PARD3: variants seen among roughly 807,000 people sequenced by gnomAD.
PARD3 encodes partitioning defective 3 homolog.
A neutral mutation model predicts 155.4 loss-of-function variants in PARD3; 75 were observed. The observed-to-expected ratio is 0.48, with a 90% CI of 0.40 to 0.58. The LOEUF (loss-of-function observed/expected upper bound fraction) is 0.58, where lower values mean the gene tolerates loss of function less well. Among genes scored for constraint, PARD3 ranks in the 20% least tolerant of loss-of-function variants. The probability of loss-of-function intolerance (pLI) is 0.00; values close to 1 mark genes in which losing one functional copy is unlikely to be tolerated. For missense variants in PARD3, 1,642 were observed against 1,721.7 expected (o/e 0.95, Z 0.82); for synonymous variants, 576 against 610.5 (o/e 0.94, Z 0.83).
chr10:34,707,252 A>G (rs1352629096), intron 1 of PARD3, among the ~76,000 whole-genome samples: 1 of 151,720 alleles, frequency 6.6e-6, no homozygotes, highest in Non-Finnish European at 1.5e-5. Flanking sequence ...CTCAAAAAAA[A>G]AAAAAGAAAA....
intron 1 of PARD3, among the ~76,000 whole-genome samples, chr10:34,808,551 TGCTGTGTGG>T (rs984954608): frequency 2.0e-5 from 3 of 152,154 alleles, no homozygotes; most frequent in Non-Finnish European, 4.4e-5. Flanking sequence ...GATGAAAGCA[TGCTGTGTGG>T]GCTTAGCATG....
chr10:34,460,604 C>A (rs1379428070), intron 4 of PARD3, among the ~76,000 whole-genome samples: 3 of 151,974 alleles, frequency 2.0e-5, no homozygotes, highest in African/African-American at 7.3e-5. Context: ...GAGGCCGAGG[C>A]GGGTGGATAA....
At chr10:34,618,296 G>A (rs916977297) in intron 2 of PARD3, among the ~76,000 whole-genome samples, 2 of 152,174 alleles carry the variant, frequency 1.3e-5, no homozygotes, top group South Asian at 4.1e-4. Context: ...CAGAAGATGT[G>A]CAAGTCTCCA....
In PARD3 at chr10:34,637,879, T is replaced by C. The variant is rs2092538954; in HGVS notation, c.222+58439A>G. 2.0e-5 allele frequency among the ~76,000 whole-genome samples: 3 copies of C among 152,262 alleles called. No individual in the cohort carries two copies. In the South Asian group the frequency reaches 6.2e-4, roughly 32 times the overall value. On this transcript the variant is annotated intron_variant, in intron 2 of 24. Transcript: ENST00000374788. ...AATAATTAAGTTTGCAGGCGTGAAA[T>C]ATATTCAAAAGCCAGGTATACAAGC...
intron 3 of PARD3, among the ~76,000 whole-genome samples, chr10:34,511,050 A>G (rs894279574): frequency 6.6e-6 from 1 of 152,202 alleles, no homozygotes; most frequent in Non-Finnish European, 1.5e-5. Context: ...AAAGTTTCTA[A>G]TAACTTATAA....
chr10:34,397,988 A>T, intron 7 of PARD3, among the ~76,000 whole-genome samples: 1 of 152,214 alleles, frequency 6.6e-6, no homozygotes, highest in Non-Finnish European at 1.5e-5. Context: ...ATATTGTTTA[A>T]CTATAAGTTA....
chr10:34,289,250 C>T (rs528668629), intron 20 of PARD3, among the ~76,000 whole-genome samples: 3 of 152,028 alleles, frequency 2.0e-5, no homozygotes, highest in African/African-American at 2.4e-5. Context: ...AGTGCAGTGG[C>T]GCAATCTCAG....
intron 21 of PARD3, among the ~76,000 whole-genome samples, chr10:34,270,786 G>A (rs1468335092): frequency 1.3e-5 from 2 of 152,050 alleles, no homozygotes; most frequent in Non-Finnish European, 2.9e-5. Flanking sequence ...TTAAATTAAG[G>A]ACTAGAAGGC....
intron 12 of PARD3, among the ~76,000 whole-genome samples, chr10:34,366,835 T>C (rs1332648947): frequency 6.6e-6 from 1 of 152,170 alleles, no homozygotes; most frequent in East Asian, 1.9e-4. Flanking sequence ...CAAAATTTCC[T>C]TAAGTTCCCC....
intron 3 of PARD3, among the ~76,000 whole-genome samples, chr10:34,478,980 A>G (rs1266216423): frequency 1.3e-5 from 2 of 152,180 alleles, no homozygotes; most frequent in Non-Finnish European, 1.5e-5. Context: ...ACCTGAGTAC[A>G]AGAAAAAATC....
chr10:34,583,566 T>A (rs2087702834), intron 2 of PARD3, among the ~76,000 whole-genome samples: 1 of 152,184 alleles, frequency 6.6e-6, no homozygotes, highest in African/African-American at 2.4e-5. Context: ...TAATGTTCCA[T>A]CAATCAGTCC....
intron 21 of PARD3, 143 bp downstream of exon 21, chr10:34,283,992 C>T: frequency 1.7e-6 from 1 of 596,734 alleles, no homozygotes; most frequent in Non-Finnish European, 2.9e-6. Context: ...ATATATTCAC[C>T]CACAACCATC....
chr10:34,121,255 T>C (rs1359095559), intron 23 of PARD3, among the ~76,000 whole-genome samples: 1 of 152,200 alleles, frequency 6.6e-6, no homozygotes, highest in East Asian at 1.9e-4. Context: ...ATCTGGCCTT[T>C]TGAAATAAAA....
intron 22 of PARD3, among the ~76,000 whole-genome samples, chr10:34,151,274 G>A (rs568649645): frequency 2.6e-5 from 4 of 151,992 alleles, no homozygotes; most frequent in South Asian, 2.1e-4. Flanking sequence ...ACCAAGAAAC[G>A]TAGTCTGATT....
intron 3 of PARD3, among the ~76,000 whole-genome samples, chr10:34,476,259 G>C (rs762265453): frequency 2.6e-5 from 4 of 152,132 alleles, no homozygotes; most frequent in Non-Finnish European, 4.4e-5. Flanking sequence ...AATTAATTTT[G>C]TTTCTTCATC....
rs1221074041 is a variant in PARD3, at chr10:34,382,554, A to G, written c.1385T>C (p.Ile462Thr). 1 of 1,612,830 alleles carries G rather than the reference A, an allele frequency of 6.2e-7. No individual in the cohort carries two copies. Among genetic ancestry groups the G allele is most frequent in the South Asian group, 1.1e-5 (1 of 90,892 alleles). ...NTKKIGKRLN[I>T]QLKKGTEGLG... The stretch of plus-strand genomic sequence containing the variant: ...ATAGGTCGTACCTTTCTTAAGCTGG[A>G]TATTAAGCCTCTTGCCTATTTTTTT... The change falls in exon 9 of 25, where the codon ATC becomes ACC. Residue 462 changes from isoleucine (I) to threonine (T), a missense_variant. Ile to Thr is a moderately conservative substitution (Grantham distance 89, BLOSUM62 -1). Around this residue, in one of 3 missense-constraint regions of PARD3, gnomAD observed 1,529 missense variants for 1,587.3 expected, o/e 0.96. Transcript: ENST00000374788.
At chr10:34,137,344 C>T (rs1352978543) in intron 22 of PARD3, among the ~76,000 whole-genome samples, 1 of 152,170 alleles carries the variant, frequency 6.6e-6, no homozygotes, top group Admixed American at 6.5e-5. Context: ...GAACACAATG[C>T]TGTCAACAAT....
At chr10:34,128,521 T>C (rs1947412612) in intron 23 of PARD3, among the ~76,000 whole-genome samples, 1 of 152,212 alleles carries the variant, frequency 6.6e-6, no homozygotes, top group African/African-American at 2.4e-5. Context: ...AACAGTGCGA[T>C]ATTAGTGCAG....
At chr10:34,657,949 G>A (rs1224631625) in intron 2 of PARD3, among the ~76,000 whole-genome samples, 2 of 152,008 alleles carry the variant, frequency 1.3e-5, no homozygotes, top group African/African-American at 2.4e-5. Context: ...GATCGAGACT[G>A]TCCTAGCTAA....
Sources: gnomAD v4.1 joint callset for allele counts (sites outside exome capture counted in the v4.1 genomes callset) on GRCh38, gnomAD v4.1.1 for gene constraint, gnomAD v4.1.1 regional missense constraint, MANE v1.5 for transcripts, NCBI Gene and HGNC (gene_info 2026-07-23, HGNC 2026-07-21) for gene names.